Variants in CSMD1 observed in about 807,000 individuals in gnomAD.
CSMD1 encodes CUB and sushi domain-containing protein 1.
A neutral mutation model predicts 417.5 loss-of-function variants in CSMD1; 213 were observed. That is an observed-to-expected ratio of 0.51 (90% CI 0.46 to 0.57). The LOEUF (loss-of-function observed/expected upper bound fraction) is 0.57, where lower values mean the gene tolerates loss of function less well. CSMD1 is among the 20% of genes least tolerant of loss of function. The pLI is 0.00. For synonymous variants in CSMD1, 2,862 were observed against 1,736.8 expected (o/e 1.65, Z -16.11); for missense variants, 6,923 against 4,529.7 (o/e 1.53, Z -15.17).
Position 3,429,218 on chromosome 8 carries a change from T to C in CSMD1, c.1562-19613A>G, listed in dbSNP as rs377663748. ...TTTTACCGTAAAGAAACGCTGAACGTTGGAGATGATGCAAATGCTACGAAC... is the reference window on the plus strand; with the variant it reads ...TTTTACCGTAAAGAAACGCTGAACGCTGGAGATGATGCAAATGCTACGAAC... On this transcript the variant is annotated intron_variant, in intron 12 of 69. Coordinates refer to ENST00000635120, the MANE Select transcript of CSMD1 (RefSeq NM_033225.6). Among the ~76,000 whole-genome samples the C allele has an allele frequency of 1.2e-4, 17 of 139,698 alleles. No homozygotes were observed. The East Asian group carries it at 1.4e-3, about 11-fold the overall frequency. 91.6% of individuals were successfully genotyped at this position (139,698 alleles called of 152,430 possible). A position where few individuals can be genotyped will look rare whatever the true frequency, so the allele number is the denominator to read the frequency against.
intron 2 of CSMD1, among the ~76,000 whole-genome samples, chr8:4,557,045 AT>A (rs1798126785): frequency 6.6e-6 from 1 of 152,178 alleles, no homozygotes; most frequent in Non-Finnish European, 1.5e-5. Context: ...TTTATAAAGG[AT>A]TTTTTAACAA....
At chr8:3,890,497 T>G (rs531400975) in intron 5 of CSMD1, among the ~76,000 whole-genome samples, 1 of 151,574 alleles carries the variant, frequency 6.6e-6, no homozygotes, top group East Asian at 2.0e-4. Flanking sequence ...AAGGAAGGCA[T>G]TGAGGCACAC....
At chr8:4,337,754 C>T (rs964226121) in intron 3 of CSMD1, among the ~76,000 whole-genome samples, 1 of 152,112 alleles carries the variant, frequency 6.6e-6, no homozygotes, top group Non-Finnish European at 1.5e-5. Flanking sequence ...GTAGTACAGC[C>T]TTTACATTGG....
chr8:3,843,621 T>C (rs563772632), intron 5 of CSMD1, among the ~76,000 whole-genome samples: 21 of 152,278 alleles, frequency 1.4e-4, no homozygotes, highest in African/African-American at 4.8e-4. Flanking sequence ...AAAGAGAAAT[T>C]TGTTATAGGA....
At position 3,599,042 on chromosome 8, in the gene CSMD1, A is replaced by G. The variant is rs537438283; in HGVS notation, c.1098-12782T>C. Among the ~76,000 whole-genome samples the G allele has an allele frequency of 4.6e-5, 7 of 152,018 alleles. No individual in the cohort carries two copies. The East Asian group carries it at 1.2e-3, about 25-fold the overall frequency. On this transcript the variant is annotated intron_variant, in intron 8 of 69. Coordinates refer to ENST00000635120, the MANE Select transcript of CSMD1 (RefSeq NM_033225.6). ...GTTGCAGTGAGCAGAGCTTGCAACAATGCACTCCAGCCTGGGTGTCAGAGC... is the reference window on the plus strand; with the variant it reads ...GTTGCAGTGAGCAGAGCTTGCAACAGTGCACTCCAGCCTGGGTGTCAGAGC...
intron 1 of CSMD1, among the ~76,000 whole-genome samples, chr8:4,854,714 A>G (rs111898048): frequency 0.2 from 30,970 of 152,118 alleles, 3,966 homozygotes; most frequent in Non-Finnish European, 0.29. Flanking sequence ...ACGGGCTTAA[A>G]AAACGGTGCA....
intron 3 of CSMD1, among the ~76,000 whole-genome samples, chr8:4,327,736 G>C (rs764491150): frequency 1.3e-5 from 2 of 152,166 alleles, no homozygotes; most frequent in African/African-American, 2.4e-5. Context: ...GAGACCTACT[G>C]TCCGAAAACA....
intron 6 of CSMD1, among the ~76,000 whole-genome samples, chr8:3,742,193 G>A (rs1315507231): frequency 2.0e-5 from 3 of 152,068 alleles, no homozygotes; most frequent in Non-Finnish European, 4.4e-5. Context: ...CACCATTAAG[G>A]AGAAGTGATC....
At position 3,942,035 on chromosome 8, in the gene CSMD1, C is replaced by T. The variant is rs990858832; in HGVS notation, c.818+55868G>A. On this transcript the variant is annotated intron_variant, in intron 5 of 69. Coordinates refer to ENST00000635120, the MANE Select transcript of CSMD1 (RefSeq NM_033225.6). The stretch of plus-strand genomic sequence containing the variant: ...AGCAGTGGCATTAGATTCTTATAGG[C>T]GCGCAAACCCTATTGTGAATTGGGC... Among the ~76,000 whole-genome samples, 5 of 152,034 alleles carry T rather than the reference C, an allele frequency of 3.3e-5. No homozygotes were observed. The South Asian group carries it at 6.2e-4, about 19-fold the overall frequency.
chr8:4,519,844 T>TAGG (rs1563251198), intron 2 of CSMD1, among the ~76,000 whole-genome samples: 3 of 147,328 alleles, frequency 2.0e-5, no homozygotes, highest in African/African-American at 7.6e-5. Context: ...CTAGATCTTA[T>TAGG]AGGATGACGA....
chr8:3,168,774 G>A (rs532399715), intron 37 of CSMD1, among the ~76,000 whole-genome samples: 3 of 152,108 alleles, frequency 2.0e-5, no homozygotes, highest in Admixed American at 6.5e-5. Context: ...TGTCTCATCT[G>A]TAAACTGTTG....
intron 3 of CSMD1, among the ~76,000 whole-genome samples, chr8:4,149,589 T>G (rs910087554): frequency 5.3e-5 from 8 of 152,196 alleles, no homozygotes; most frequent in Admixed American, 1.3e-4. Flanking sequence ...AGATTTATGC[T>G]AAAAGGGAAA....
At chr8:3,192,380 G>C (rs1316316986) in intron 33 of CSMD1, among the ~76,000 whole-genome samples, 2 of 152,160 alleles carry the variant, frequency 1.3e-5, no homozygotes, top group African/African-American at 4.8e-5. Flanking sequence ...TGGGACCCAA[G>C]TCTAAACATG....
chr8:4,733,147 T>C (rs1397220457), intron 1 of CSMD1, among the ~76,000 whole-genome samples: 2 of 152,254 alleles, frequency 1.3e-5, no homozygotes, highest in African/African-American at 4.8e-5. Context: ...CCTTCATTCA[T>C]TTATTCAGTC....
chr8:4,504,896 G>C (rs909371488), intron 2 of CSMD1, among the ~76,000 whole-genome samples: 3 of 152,078 alleles, frequency 2.0e-5, no homozygotes, highest in Admixed American at 6.6e-5. Context: ...TGGGCATTTG[G>C]GTTGGTTCCA....
intron 3 of CSMD1, among the ~76,000 whole-genome samples, chr8:4,335,599 C>T (rs1005829847): frequency 3.3e-5 from 5 of 152,090 alleles, no homozygotes; most frequent in African/African-American, 9.7e-5. Flanking sequence ...CTTAAAACTA[C>T]TCTATGATTA....
chr8:3,721,540 T>A (rs1802174979), intron 6 of CSMD1, among the ~76,000 whole-genome samples: 1 of 152,198 alleles, frequency 6.6e-6, no homozygotes, highest in South Asian at 2.1e-4. Flanking sequence ...AGAAACATAT[T>A]CTTAGGATTT....
intron 3 of CSMD1, among the ~76,000 whole-genome samples, chr8:4,169,098 T>A (rs1382978014): frequency 6.6e-6 from 1 of 152,216 alleles, no homozygotes; most frequent in African/African-American, 2.4e-5. Context: ...GGCTTAGTCC[T>A]TGAACCTCTT....
At chr8:4,249,913 T>C (rs1236127957) in intron 3 of CSMD1, among the ~76,000 whole-genome samples, 1 of 152,098 alleles carries the variant, frequency 6.6e-6, no homozygotes, top group Non-Finnish European at 1.5e-5. Context: ...AGCTGGGAGC[T>C]CCTGGGAAGT....
Sources: gnomAD v4.1 joint callset for allele counts (sites outside exome capture counted in the v4.1 genomes callset) on GRCh38, gnomAD v4.1.1 for gene constraint, MANE v1.5 for transcripts, NCBI Gene and HGNC (gene_info 2026-07-23, HGNC 2026-07-21) for gene names.